Variants in DYRK3 observed in about 807,000 individuals in gnomAD.
DYRK3 encodes dual specificity tyrosine phosphorylation regulated kinase 3.
A neutral mutation model predicts 40.8 loss-of-function variants in DYRK3; 30 were observed. That is an observed-to-expected ratio of 0.74 (90% CI 0.55 to 1.00). DYRK3 has a LOEUF of 1.00. Ranked by LOEUF, DYRK3 falls within the 50% of genes least tolerant of loss-of-function variation. The probability of loss-of-function intolerance (pLI) is 0.00; values close to 1 mark genes in which losing one functional copy is unlikely to be tolerated. For synonymous variants in DYRK3, 272 were observed against 260.7 expected (o/e 1.04, Z -0.42); for missense variants, 699 against 731.5 (o/e 0.96, Z 0.51).
intron 1 of DYRK3, chr1:206,636,157 A>AGC (rs781897512): frequency 1.0e-6 from 1 of 983,020 alleles, no homozygotes; most frequent in South Asian, 1.3e-5. Context: ...TGTTGCTTAG[A>AGC]GCGGATAACC....
rs549820882 is a variant in DYRK3 at position 206,645,856 on chromosome 1, G to T, written c.190-1532G>T. 6.6e-5 allele frequency among the ~76,000 whole-genome samples: 10 copies of T among 151,680 alleles called. 1 individual carries two copies. The highest frequency in any genetic ancestry group is 2.4e-4 in the African/African-American group (10 of 41,360). Reference sequence around the variant, plus strand: ...TTTTTATTTTATTTTTTATTTTATTGATTTATTTTTTTGAGACGGAGTCTC... The same window carrying T: ...TTTTTATTTTATTTTTTATTTTATTTATTTATTTTTTTGAGACGGAGTCTC... On this transcript the variant is annotated intron_variant, in intron 2 of 2. Coordinates refer to ENST00000367109, the MANE Select transcript of DYRK3 (RefSeq NM_003582.4).
intron 1 of DYRK3, among the ~76,000 whole-genome samples, chr1:206,637,301 T>G (rs1469861873): frequency 6.6e-6 from 1 of 152,260 alleles, no homozygotes; most frequent in Non-Finnish European, 1.5e-5. Flanking sequence ...TGTTAGTTTT[T>G]TCTGGTCTGT....
Position 206,648,867 on chromosome 1 carries a change from C to G in DYRK3, c.1669C>G (p.Pro557Ala), listed in dbSNP as rs782754292. The change falls in exon 3 of 3, where the codon CCA becomes GCA. Residue 557 changes from proline (P) to alanine (A), a missense_variant. Coordinates refer to ENST00000367109, the MANE Select transcript of DYRK3 (RefSeq NM_003582.4). Reference protein sequence around the residue: ...AFQGLGSKLPPVVGIANKLKA... With the variant: ...AFQGLGSKLPAVVGIANKLKA... ...CCAGGGATTGGGTTCTAAGCTGCCT[C>G]CAGTTGTTGGAATAGCCAATAAGCT... 39 of 1,614,034 alleles carry G rather than the reference C, an allele frequency of 2.4e-5. No homozygotes were observed. Among genetic ancestry groups the G allele is most frequent in the Non-Finnish European group, 3.2e-5 (38 of 1,180,032 alleles).
chr1:206,651,216 G>A lies in DYRK3; in HGVS notation c.*2251G>A, dbSNP rs1222913481. Among the ~76,000 whole-genome samples, 1 of 152,136 alleles carries A rather than the reference G, an allele frequency of 6.6e-6. No individual in the cohort carries two copies. The highest frequency in any genetic ancestry group is 1.9e-4 in the East Asian group (1 of 5,192). The stretch of plus-strand genomic sequence containing the variant: ...TTTATTCATCACTGCCTTCTTCAAG[G>A]GAGGTCTTGAAACTGCCTCATCTAC... On this transcript the variant is annotated 3_prime_UTR_variant, in exon 3 of 3. Coordinates refer to ENST00000367109, the MANE Select transcript of DYRK3 (RefSeq NM_003582.4).
rs1182703398 is a variant in DYRK3 at position 206,635,662 on chromosome 1, C to G, written c.-42C>G. On this transcript the variant is annotated 5_prime_UTR_variant, in exon 1 of 3. Coordinates refer to ENST00000367109, the MANE Select transcript of DYRK3 (RefSeq NM_003582.4). Reference sequence around the variant, plus strand: ...CGTAGGTGGCGTGGCCGACCGGACCCCCAACTGGCGCCTCTCCCCGCGCGG... The same window carrying G: ...CGTAGGTGGCGTGGCCGACCGGACCGCCAACTGGCGCCTCTCCCCGCGCGG... 2 of 1,245,158 alleles carry G rather than the reference C, an allele frequency of 1.6e-6. No homozygotes were observed. The highest frequency in any genetic ancestry group is 2.0e-6 in the Non-Finnish European group (2 of 989,598). 77.1% of individuals were successfully genotyped at this position (1,245,158 alleles called of 1,614,324 possible).
At position 206,648,303 on chromosome 1, in the gene DYRK3, T is replaced by C; in HGVS notation, c.1105T>C (p.Tyr369His). Residue 369 changes from tyrosine to histidine, a missense_variant, in exon 3 of 3, where the codon TAT becomes CAT. By Grantham distance (83) the Tyr-to-His change is moderately conservative. Coordinates refer to ENST00000367109, the MANE Select transcript of DYRK3 (RefSeq NM_003582.4). ...SCFEYQKLYT[Y>H]IQSRFYRAPE... Reference sequence around the variant, plus strand: ...TTTCGAGTACCAGAAGCTCTACACATATATCCAGTCTCGGTTCTACAGAGC... The same window carrying C: ...TTTCGAGTACCAGAAGCTCTACACACATATCCAGTCTCGGTTCTACAGAGC... The C allele has an allele frequency of 6.2e-7, 1 of 1,614,142 alleles. No homozygotes were observed. Among genetic ancestry groups the C allele is most frequent in the Non-Finnish European group, 8.5e-7 (1 of 1,180,028 alleles).
intron 1 of DYRK3, chr1:206,636,034 C>A: frequency 6.9e-7 from 1 of 1,459,608 alleles, no homozygotes; most frequent in Non-Finnish European, 9.1e-7. Context: ...CCTGGATTCC[C>A]TCTGAAACCC....
intron 2 of DYRK3, among the ~76,000 whole-genome samples, chr1:206,642,789 G>T (rs547466111): frequency 6.6e-6 from 1 of 152,040 alleles, no homozygotes; most frequent in African/African-American, 2.4e-5. Context: ...GTGGGAGGAG[G>T]GGGGAGGGAT....
At chr1:206,645,874 G>A (rs1021192577) in intron 2 of DYRK3, among the ~76,000 whole-genome samples, 17 of 151,196 alleles carry the variant, frequency 1.1e-4, no homozygotes, top group Admixed American at 4.0e-4. Flanking sequence ...TTTTTGAGAC[G>A]GAGTCTCACT....
intron 2 of DYRK3, among the ~76,000 whole-genome samples, chr1:206,646,950 C>T (rs1259217209): frequency 6.6e-6 from 1 of 152,126 alleles, no homozygotes; most frequent in Admixed American, 6.5e-5. Context: ...AATTATGTGG[C>T]ACAAACTGGA....
rs186956427 is a variant in DYRK3, at chr1:206,651,088, G to C, written c.*2123G>C. Among the ~76,000 whole-genome samples, 5 of 152,206 alleles carry C rather than the reference G, an allele frequency of 3.3e-5. No homozygotes were observed. The highest frequency in any genetic ancestry group is 1.9e-4 in the East Asian group (1 of 5,188). The stretch of plus-strand genomic sequence containing the variant: ...TCTCTTGATTCCATTGCCTGAAGAA[G>C]CTGTGTGAAATTAGTCTGGTTATTG... On this transcript the variant is annotated 3_prime_UTR_variant, in exon 3 of 3. Transcript: ENST00000367109.
chr1:206,638,457 A>G (rs1379613190), intron 2 of DYRK3, among the ~76,000 whole-genome samples: 1 of 151,394 alleles, frequency 6.6e-6, no homozygotes, highest in Non-Finnish European at 1.5e-5. Context: ...TTGTATTTTT[A>G]GTAGTCAGGG....
At chr1:206,643,483 T>C (rs1671346857) in intron 2 of DYRK3, among the ~76,000 whole-genome samples, 1 of 152,048 alleles carries the variant, frequency 6.6e-6, no homozygotes, top group African/African-American at 2.4e-5. Flanking sequence ...GTAAGCAGAG[T>C]AGGGGAAATT....
In DYRK3 at chr1:206,650,944, T is replaced by C. The variant is rs1553421227; in HGVS notation, c.*1979T>C. Among the ~76,000 whole-genome samples, 1 of 152,222 alleles carries C rather than the reference T, an allele frequency of 6.6e-6. No homozygotes were observed. The highest frequency in any genetic ancestry group is 2.4e-5 in the African/African-American group (1 of 41,456). On this transcript the variant is annotated 3_prime_UTR_variant, in exon 3 of 3. Transcript: ENST00000367109. ...TTTTGGTGACTAAGAAACTGGATTA[T>C]TTAAAACCTTAATTATCTCCTTTAC...
intron 2 of DYRK3, among the ~76,000 whole-genome samples, chr1:206,645,663 A>T (rs1671430490): frequency 6.7e-6 from 1 of 148,528 alleles, no homozygotes; most frequent in Non-Finnish European, 1.5e-5. Context: ...ACAGGCATGC[A>T]TCCATGCATC....
Position 206,642,798 on chromosome 1 carries a change from A to G in DYRK3, c.190-4590A>G, listed in dbSNP as rs567783049. ...CGTGGGGTGGGAGGAGGGGGGAGGGATAGCATTAGGAGATATACCTAATGT... is the reference window on the plus strand; with the variant it reads ...CGTGGGGTGGGAGGAGGGGGGAGGGGTAGCATTAGGAGATATACCTAATGT... On this transcript the variant is annotated intron_variant, in intron 2 of 2. Coordinates refer to ENST00000367109, the MANE Select transcript of DYRK3 (RefSeq NM_003582.4). Among the ~76,000 whole-genome samples, 42 of 152,138 alleles carry G rather than the reference A, an allele frequency of 2.8e-4. 1 individual carries two copies. In the East Asian group the frequency reaches 7.7e-3, roughly 28 times the overall value.
At position 206,652,566 on chromosome 1, in the gene DYRK3, G is replaced by C. The variant is rs1327549810; in HGVS notation, c.*3601G>C. Among the ~76,000 whole-genome samples, 1 of 152,220 alleles carries C rather than the reference G, an allele frequency of 6.6e-6. No homozygotes were observed. Among genetic ancestry groups the C allele is most frequent in the African/African-American group, 2.4e-5 (1 of 41,462 alleles). On this transcript the variant is annotated 3_prime_UTR_variant, in exon 3 of 3. Transcript: ENST00000367109. Reference sequence around the variant, plus strand: ...CTGCCTCAATTTGGCAACCGAGAGAGTGATGCAGAGCAGAGTCATTGAAGT... The same window carrying C: ...CTGCCTCAATTTGGCAACCGAGAGACTGATGCAGAGCAGAGTCATTGAAGT...
intron 2 of DYRK3, among the ~76,000 whole-genome samples, chr1:206,640,023 C>G (rs553748362): frequency 1.3e-5 from 2 of 148,208 alleles, no homozygotes; most frequent in Admixed American, 6.9e-5. Context: ...CAACCTCCAT[C>G]TCCCGGGTTC....
chr1:206,646,765 C>G (rs887941338), intron 2 of DYRK3, among the ~76,000 whole-genome samples: 5 of 152,144 alleles, frequency 3.3e-5, no homozygotes, highest in Admixed American at 6.5e-5. Flanking sequence ...TGAATAGGAG[C>G]CAGAAGACCT....
Sources: gnomAD v4.1 joint callset for allele counts (sites outside exome capture counted in the v4.1 genomes callset) on GRCh38, gnomAD v4.1.1 for gene constraint, MANE v1.5 for transcripts, NCBI Gene and HGNC (gene_info 2026-07-23, HGNC 2026-07-21) for gene names.